Variants in ABT1 observed in about 807,000 individuals in gnomAD.
ABT1 encodes TATA-binding protein-binding protein.
A neutral mutation model predicts 14.0 loss-of-function variants in ABT1; 13 were observed. The ratio of observed to expected loss-of-function variants is 0.93; its 90% CI spans 0.61 to 1.48. The LOEUF (loss-of-function observed/expected upper bound fraction) is 1.48, where lower values mean the gene tolerates loss of function less well. Among genes scored for constraint, ABT1 ranks in the 40% most tolerant of loss-of-function variants. The pLI, the probability that ABT1 is intolerant of heterozygous loss-of-function variation, is 0.00. For synonymous variants in ABT1, 165 were observed against 144.6 expected (o/e 1.14, Z -1.01); for missense variants, 430 against 380.0 (o/e 1.13, Z -1.09).
rs782467653 is a variant in ABT1, at chr6:26,598,524, G to A, written c.698G>A (p.Arg233Gln). Residue 233 changes from arginine (R) to glutamine (Q), a missense_variant, in exon 3 of 3, where the codon CGG becomes CAG. Coordinates refer to ENST00000274849, the MANE Select transcript of ABT1 (RefSeq NM_013375.4). Reference protein sequence around the residue: ...RKAARPGGRERARLATAQDKA... With the variant: ...RKAARPGGREQARLATAQDKA... Reference sequence around the variant, plus strand: ...GCAGCACGGCCAGGGGGACGTGAACGGGCTCGCCTGGCAACTGCCCAGGAC... The same window carrying A: ...GCAGCACGGCCAGGGGGACGTGAACAGGCTCGCCTGGCAACTGCCCAGGAC... 2 of 1,613,594 alleles carry A rather than the reference G, an allele frequency of 1.2e-6. No individual in the cohort carries two copies. The highest frequency in any genetic ancestry group is 2.2e-5 in the East Asian group (1 of 44,890).
Position 26,596,967 on chromosome 6 carries a change from G to C in ABT1, c.-16G>C, listed in dbSNP as rs1764906455. The stretch of plus-strand genomic sequence containing the variant: ...CAAGGCACTTTACGGCCGTCGTGCC[G>C]CTCGTGTCAGTCAACATGGAGGCAG... On this transcript the variant is annotated 5_prime_UTR_variant, in exon 1 of 3. Coordinates refer to ENST00000274849, the MANE Select transcript of ABT1 (RefSeq NM_013375.4). 2 of 1,604,702 alleles carry C rather than the reference G, an allele frequency of 1.2e-6. No homozygotes were observed. The highest frequency in any genetic ancestry group is 2.2e-5 in the South Asian group (2 of 89,904).
Position 26,597,140 on chromosome 6 carries a change from T to A in ABT1, c.158T>A (p.Ile53Asn). The change falls in exon 1 of 3, where the codon ATC becomes AAC. Residue 53 changes from isoleucine (I) to asparagine (N), a missense_variant. Ile to Asn is a moderately radical substitution (Grantham distance 149, BLOSUM62 -3). Transcript: ENST00000274849. ...CCAGGTATTGTGTACCTGGGCCATA[T>A]CCCGCCGCGCTTCCGGCCCCTGCAC... ...VVPGIVYLGH[I>N]PPRFRPLHVR... is the part of the protein sequence containing the mutation. 1 of 1,614,092 alleles carries A rather than the reference T, an allele frequency of 6.2e-7. No individual in the cohort carries two copies. Among genetic ancestry groups the A allele is most frequent in the Non-Finnish European group, 8.5e-7 (1 of 1,180,014 alleles).
rs141149859 is a variant in ABT1, at chr6:26,599,602, G to T, written c.*957G>T. The T allele has an allele frequency of 6.6e-6, 1 of 151,932 alleles. No homozygotes were observed. The highest frequency in any genetic ancestry group is 1.5e-5 in the Non-Finnish European group (1 of 67,966). 9.4% of individuals were successfully genotyped at this position (151,932 alleles called of 1,614,324 possible). On this transcript the variant is annotated 3_prime_UTR_variant, in exon 3 of 3. Coordinates refer to ENST00000274849, the MANE Select transcript of ABT1 (RefSeq NM_013375.4). ...AGAATAATAAGTCTGAAAGAGTGTG[G>T]AGTGCTCCCACAATTACAAAGAATG... is the stretch of plus-strand genomic sequence containing the variant.
chr6:26,597,885 C>T, intron 1 of ABT1, 29 bp from the exon 2 acceptor site: 1 of 1,588,566 alleles, frequency 6.3e-7, no homozygotes, highest in Non-Finnish European at 8.6e-7. Context: ...CATAGGCGTC[C>T]TGGACGGGTC....
At position 26,598,530 on chromosome 6, in the gene ABT1, G is replaced by T. The variant is rs897824993; in HGVS notation, c.704G>T (p.Arg235Leu). 6.2e-7 allele frequency: 1 copy of T among 1,613,670 alleles called. No homozygotes were observed. Among genetic ancestry groups the T allele is most frequent in the East Asian group, 2.2e-5 (1 of 44,870 alleles). The change falls in exon 3 of 3, where the codon CGC (arginine) becomes CTC (leucine). Residue 235 changes from arginine to leucine, a missense_variant. By Grantham distance (102) the Arg-to-Leu change is moderately radical. Coordinates refer to ENST00000274849, the MANE Select transcript of ABT1 (RefSeq NM_013375.4). ...CGGCCAGGGGGACGTGAACGGGCTC[G>T]CCTGGCAACTGCCCAGGACAAGGCC... ...AARPGGRERA[R>L]LATAQDKARS... is the part of the protein sequence containing the mutation.
At chr6:26,598,202 C>A in intron 2 of ABT1, 63 bp from the exon 3 acceptor site, 1 of 1,575,330 alleles carries the variant, frequency 6.3e-7, no homozygotes. Context: ...TGGCCTTGTC[C>A]CCTTGTCTCA....
chr6:26,599,491 A>G lies in ABT1; in HGVS notation c.*846A>G, dbSNP rs929513970. ...CATGGCAGGTCATAGAGTCCTCTCA[A>G]TGGGAACCTGATTGATGATCACAGT... On this transcript the variant is annotated 3_prime_UTR_variant, in exon 3 of 3. Transcript: ENST00000274849. 1.3e-5 allele frequency: 2 copies of G among 152,250 alleles called. No homozygotes were observed. The highest frequency in any genetic ancestry group is 1.5e-5 in the Non-Finnish European group (1 of 68,048). The allele number at this position is 152,250 out of a possible 1,614,324, so 9.4% of individuals were successfully genotyped here.
At chr6:26,597,847 A>G in intron 1 of ABT1, 67 bp from the exon 2 acceptor site, 1 of 1,475,304 alleles carries the variant, frequency 6.8e-7, no homozygotes, top group South Asian at 1.3e-5. Flanking sequence ...CGTTGCGGGC[A>G]GTGGGAGGTG....
chr6:26,598,236 C>A (rs1554144766), intron 2 of ABT1, 29 bp from the exon 3 acceptor site: 23 of 1,600,640 alleles, frequency 1.4e-5, no homozygotes, highest in Non-Finnish European at 1.9e-5. Flanking sequence ...TCTGCACTAT[C>A]CTGATCTTTT....
chr6:26,598,027 A>C lies in ABT1; in HGVS notation c.355A>C (p.Lys119Gln), dbSNP rs782377397. Residue 119 changes from lysine to glutamine, a missense_variant, in exon 2 of 3, where the codon AAG becomes CAG. Transcript: ENST00000274849. ...WVEFRDKRIA[K>Q]RVAASLHNTP... The stretch of plus-strand genomic sequence containing the variant: ...GGAGTTCCGTGACAAGCGCATAGCC[A>C]AGCGCGTGGCGGCCAGTCTACACAA... The C allele has an allele frequency of 6.2e-7, 1 of 1,614,206 alleles. No individual in the cohort carries two copies. The highest frequency in any genetic ancestry group is 8.5e-7 in the Non-Finnish European group (1 of 1,180,030).
At position 26,597,098 on chromosome 6, in the gene ABT1, G is replaced by A. The variant is rs536052779; in HGVS notation, c.116G>A (p.Ser39Asn). ...QEESEEAACG[S>N]KKRVVPGIVY... ...GAATCCGAAGAAGCGGCCTGTGGCA[G>A]CAAGAAACGGGTAGTGCCAGGTATT... Residue 39 changes from serine (S) to asparagine (N), a missense_variant, in exon 1 of 3, where the codon AGC (serine) becomes AAC (asparagine). Ser to Asn is a conservative substitution (Grantham distance 46). Transcript: ENST00000274849. 2 of 1,614,042 alleles carry A rather than the reference G, an allele frequency of 1.2e-6. No individual in the cohort carries two copies. Among genetic ancestry groups the A allele is most frequent in the East Asian group, 4.5e-5 (2 of 44,876 alleles).
At position 26,598,416 on chromosome 6, in the gene ABT1, C is replaced by T; in HGVS notation, c.590C>T (p.Ala197Val). 1.2e-6 allele frequency: 2 copies of T among 1,614,248 alleles called. No homozygotes were observed. The highest frequency in any genetic ancestry group is 1.7e-6 in the Non-Finnish European group (2 of 1,180,042). Reference protein sequence around the residue: ...QSVERGQRFLAADGDPARPDG... With the variant: ...QSVERGQRFLVADGDPARPDG... ...GTGGAACGGGGACAACGCTTTCTTG[C>T]GGCCGATGGGGACCCTGCTCGCCCA... Residue 197 changes from alanine (A) to valine (V), a missense_variant, in exon 3 of 3, where the codon GCG becomes GTG. Physicochemically the swap from Ala to Val is moderately conservative, Grantham distance 64. Coordinates refer to ENST00000274849, the MANE Select transcript of ABT1 (RefSeq NM_013375.4).
In ABT1 at chr6:26,600,037, G is replaced by C. The variant is rs1245479976; in HGVS notation, c.*1392G>C. The C allele has an allele frequency of 6.6e-6, 1 of 152,196 alleles. No homozygotes were observed. The highest frequency in any genetic ancestry group is 1.5e-5 in the Non-Finnish European group (1 of 68,044). The allele number at this position is 152,196 out of a possible 1,614,324, so 9.4% of individuals were successfully genotyped here. ...GCACTTTACTGGGGAGAATAAAAAG[G>C]ACCATACGGTAAAGCTGGTATAACA... On this transcript the variant is annotated 3_prime_UTR_variant, in exon 3 of 3. Transcript: ENST00000274849.
chr6:26,597,417 T>TA (rs1406153873), intron 1 of ABT1, among the ~76,000 whole-genome samples, 194 bp downstream of exon 1: 3 of 151,654 alleles, frequency 2.0e-5, no homozygotes, highest in Admixed American at 6.6e-5. Context: ...GCGGAGGGGA[T>TA]ATGGGGAGAG....
rs1764953541 is a variant in ABT1 at position 26,599,873 on chromosome 6, A to G, written c.*1228A>G. The G allele has an allele frequency of 6.6e-6, 1 of 152,268 alleles. No homozygotes were observed. Among genetic ancestry groups the G allele is most frequent in the South Asian group, 2.1e-4 (1 of 4,830 alleles). The allele number at this position is 152,268 out of a possible 1,614,324, so 9.4% of individuals were successfully genotyped here. ...AGGCTGTTGCATGAAGTGATAGAGT[A>G]TGATTATAATTTCTGTTTGCTTGTG... is the stretch of plus-strand genomic sequence containing the variant. On this transcript the variant is annotated 3_prime_UTR_variant, in exon 3 of 3. Transcript: ENST00000274849.
rs1764965852 is a variant in ABT1 at position 26,600,615 on chromosome 6, A to AT, written c.*1976dup. The AT allele has an allele frequency of 6.6e-6, 1 of 152,168 alleles. No individual in the cohort carries two copies. Among genetic ancestry groups the AT allele is most frequent in the African/African-American group, 2.4e-5 (1 of 41,432 alleles). The allele number at this position is 152,168 out of a possible 1,614,324, so 9.4% of individuals were successfully genotyped here. ...TAAGCCCATTGAGTGTAGGAAAATA[A>AT]TTTTTTACATCCACAATTTTGTTTC... On this transcript the variant is annotated 3_prime_UTR_variant, in exon 3 of 3. Transcript: ENST00000274849.
rs1554144873 is a variant in ABT1 at position 26,598,971 on chromosome 6, A to G, written c.*326A>G. On this transcript the variant is annotated 3_prime_UTR_variant, in exon 3 of 3. Coordinates refer to ENST00000274849, the MANE Select transcript of ABT1 (RefSeq NM_013375.4). The stretch of plus-strand genomic sequence containing the variant: ...GCCCCCAGAAAGGGCCTTTATTTCC[A>G]ACTAGGAGGATAATGCCTAGTCCAG... 4.3e-6 allele frequency: 1 copy of G among 234,744 alleles called. No homozygotes were observed. Among genetic ancestry groups the G allele is most frequent in the Non-Finnish European group, 8.3e-6 (1 of 120,736 alleles). The allele number at this position is 234,744 out of a possible 1,614,324, so 14.5% of individuals were successfully genotyped here.
chr6:26,597,894 T>C lies in ABT1; in HGVS notation c.242-20T>C. ...GTGCTGCATAGGCGTCCTGGACGGG[T>C]CTTTGTCTTTGGCGCGCAGACCGGT... is the stretch of plus-strand genomic sequence containing the variant. On this transcript the variant is annotated intron_variant, in intron 1 of 2. Transcript: ENST00000274849. 6.3e-7 allele frequency: 1 copy of C among 1,597,856 alleles called. No homozygotes were observed. Among genetic ancestry groups the C allele is most frequent in the Non-Finnish European group, 8.5e-7 (1 of 1,169,818 alleles).
Position 26,598,912 on chromosome 6 carries a change from A to G in ABT1, c.*267A>G, listed in dbSNP as rs1581470448. On this transcript the variant is annotated 3_prime_UTR_variant, in exon 3 of 3. Coordinates refer to ENST00000274849, the MANE Select transcript of ABT1 (RefSeq NM_013375.4). ...TGTTTTGTTTGACTCTTGGCTGCCT[A>G]CGTCTGTAGGGTCCCCTGAAAATCC... The G allele has an allele frequency of 2.9e-6, 1 of 344,588 alleles. No homozygotes were observed. The highest frequency in any genetic ancestry group is 5.2e-6 in the Non-Finnish European group (1 of 192,256). 21.3% of individuals were successfully genotyped at this position (344,588 alleles called of 1,614,324 possible). A position where few individuals can be genotyped will look rare whatever the true frequency, so the allele number is the denominator to read the frequency against.
Sources: allele counts gnomAD v4.1 joint callset (sites outside exome capture counted in the v4.1 genomes callset), GRCh38; gene constraint gnomAD v4.1.1; transcripts MANE v1.5; gene names NCBI Gene and HGNC (gene_info 2026-07-23, HGNC 2026-07-21).